The following TRAPPC9 variants were observed in gnomAD, a reference collection of about 807,000 sequenced individuals.
TRAPPC9 encodes the protein IKK2 binding protein.
Under a neutral mutation model 124.0 loss-of-function variants are expected in TRAPPC9, and 83 were observed. The observed-to-expected ratio is 0.67, with a 90% CI of 0.56 to 0.80. The LOEUF is 0.80. TRAPPC9 is among the 30% of genes least tolerant of loss of function. The probability of loss-of-function intolerance (pLI) is 0.00; values close to 1 mark genes in which losing one functional copy is unlikely to be tolerated. For missense variants in TRAPPC9, 1,302 were observed against 1,508.3 expected (o/e 0.86, Z 2.27); for synonymous variants, 638 against 617.5 (o/e 1.03, Z -0.49).
intron 21 of TRAPPC9, among the ~76,000 whole-genome samples, chr8:139,778,224 C>G (rs1301707908): frequency 6.6e-6 from 1 of 152,132 alleles, no homozygotes; most frequent in African/African-American, 2.4e-5. Context: ...TTAGCTCTTG[C>G]ATTAGTAGTG....
intron 16 of TRAPPC9, among the ~76,000 whole-genome samples, chr8:140,239,981 AG>A (rs981568339): frequency 7.9e-5 from 12 of 152,208 alleles, no homozygotes; most frequent in African/African-American, 2.9e-4. Context: ...GAGTACAATA[AG>A]GGGGGAAGGG....
chr8:140,116,278 C>T (rs2060886361), intron 17 of TRAPPC9, among the ~76,000 whole-genome samples: 1 of 152,290 alleles, frequency 6.6e-6, no homozygotes, highest in South Asian at 2.1e-4. Context: ...TGGCAGCTAT[C>T]TGGAAGCTGG....
In TRAPPC9 at chr8:140,241,867, G is replaced by A. The variant is rs2063863380; in HGVS notation, c.2431+10910C>T. ...CCCTCACTTGCTTAACGTATGCCAA[G>A]AAGCTGCTCTGACCAGGCCTCACTG... On this transcript the variant is annotated intron_variant, in intron 16 of 22. Coordinates refer to ENST00000438773, the MANE Select transcript of TRAPPC9 (RefSeq NM_001160372.4). The surrounding 1 kb of genome is among the most constrained non-coding windows in gnomAD (Gnocchi z 5.0). Among the ~76,000 whole-genome samples, 1 of 152,156 alleles carries A rather than the reference G, an allele frequency of 6.6e-6. No individual in the cohort carries two copies. The highest frequency in any genetic ancestry group is 2.4e-5 in the African/African-American group (1 of 41,434).
At chr8:140,372,953 G>C (rs983454355) in intron 7 of TRAPPC9, among the ~76,000 whole-genome samples, 1 of 152,120 alleles carries the variant, frequency 6.6e-6, no homozygotes, top group Non-Finnish European at 1.5e-5. Context: ...CTGTAAAATG[G>C]AGCCCAAATG....
In TRAPPC9 at chr8:140,457,674, C is replaced by A; in HGVS notation, c.-46G>T. Reference sequence around the variant, plus strand: ...GCCCCGGGCCCGGAGCGGGAGCCCACGACCTGGCGGGCAGCGGGGCCGAGC... The same window carrying A: ...GCCCCGGGCCCGGAGCGGGAGCCCAAGACCTGGCGGGCAGCGGGGCCGAGC... On this transcript the variant is annotated 5_prime_UTR_variant, in exon 1 of 23. Coordinates refer to ENST00000438773, the MANE Select transcript of TRAPPC9 (RefSeq NM_001160372.4). 1 of 986,692 alleles carries A rather than the reference C, an allele frequency of 1.0e-6. No individual in the cohort carries two copies. Among genetic ancestry groups the A allele is most frequent in the Non-Finnish European group, 1.2e-6 (1 of 830,786 alleles). 61.1% of individuals were successfully genotyped at this position (986,692 alleles called of 1,614,324 possible).
At chr8:140,121,666 G>C (rs924223886) in intron 17 of TRAPPC9, among the ~76,000 whole-genome samples, 1 of 152,188 alleles carries the variant, frequency 6.6e-6, no homozygotes, top group Non-Finnish European at 1.5e-5. Context: ...AGGCAAAATT[G>C]CATGTCTATC....
At chr8:140,181,954 T>C (rs1168462179) in intron 17 of TRAPPC9, among the ~76,000 whole-genome samples, 1 of 152,124 alleles carries the variant, frequency 6.6e-6, no homozygotes, top group Non-Finnish European at 1.5e-5. Flanking sequence ...CATCCTCAGG[T>C]GCTAGGCCAT....
intron 5 of TRAPPC9, among the ~76,000 whole-genome samples, chr8:140,418,913 T>C (rs1008124814): frequency 3.3e-5 from 5 of 152,208 alleles, no homozygotes; most frequent in South Asian, 2.1e-4. Context: ...TGAAAATTAG[T>C]AGAATAAAGG....
At chr8:140,109,399 G>C (rs1429612948) in intron 17 of TRAPPC9, among the ~76,000 whole-genome samples, 2 of 152,152 alleles carry the variant, frequency 1.3e-5, no homozygotes, top group Non-Finnish European at 2.9e-5. Flanking sequence ...CAAAATGGAT[G>C]ATTATCATCT....
intron 18 of TRAPPC9, among the ~76,000 whole-genome samples, chr8:139,991,784 A>G (rs1241303142): frequency 6.6e-6 from 1 of 152,128 alleles, no homozygotes; most frequent in East Asian, 1.9e-4. Context: ...TGAGTGTGGG[A>G]GACCAGGCTG....
intron 18 of TRAPPC9, among the ~76,000 whole-genome samples, chr8:140,002,583 T>C (rs925898188): frequency 1.3e-5 from 2 of 152,026 alleles, no homozygotes; most frequent in African/African-American, 2.4e-5. Flanking sequence ...AAAGATTTAC[T>C]GTAGGGTACA....
intron 15 of TRAPPC9, among the ~76,000 whole-genome samples, chr8:140,270,358 A>G (rs1394403869): frequency 6.6e-6 from 1 of 152,246 alleles, no homozygotes; most frequent in Non-Finnish European, 1.5e-5. Context: ...CCACTCAGCC[A>G]ACAGGAGAGA....
intron 21 of TRAPPC9, among the ~76,000 whole-genome samples, chr8:139,858,838 C>G (rs532774308): frequency 6.6e-6 from 1 of 151,680 alleles, no homozygotes; most frequent in Non-Finnish European, 1.5e-5. Context: ...GGGGCACAGT[C>G]TGCACACCCT....
At chr8:140,202,183 A>G (rs1342182417) in intron 17 of TRAPPC9, among the ~76,000 whole-genome samples, 1 of 151,966 alleles carries the variant, frequency 6.6e-6, no homozygotes, top group South Asian at 2.1e-4. Flanking sequence ...AAAAAAAGCA[A>G]TGAGGCTTTC....
At chr8:140,041,961 AT>A (rs1841301732) in intron 17 of TRAPPC9, among the ~76,000 whole-genome samples, 1 of 150,394 alleles carries the variant, frequency 6.6e-6, no homozygotes, top group African/African-American at 2.5e-5. Context: ...ACAGAGCAAG[AT>A]TGTCTCAAAA....
At chr8:140,290,158 C>A (rs1165715555) in intron 12 of TRAPPC9, among the ~76,000 whole-genome samples, 1 of 152,246 alleles carries the variant, frequency 6.6e-6, no homozygotes, top group Non-Finnish European at 1.5e-5. Context: ...CTGACCATCT[C>A]TGTCCCCTCA....
intron 20 of TRAPPC9, among the ~76,000 whole-genome samples, chr8:139,894,896 A>G (rs980908692): frequency 1.8e-4 from 27 of 152,304 alleles, no homozygotes; most frequent in Admixed American, 3.3e-4. Context: ...GAGTCGTCCA[A>G]CTGGGTCCCA....
intron 17 of TRAPPC9, among the ~76,000 whole-genome samples, chr8:140,052,920 C>G (rs767565815): frequency 6.6e-6 from 1 of 152,134 alleles, no homozygotes; most frequent in Non-Finnish European, 1.5e-5. Context: ...GCACTCCAGC[C>G]TGAGTGACAA....
intron 15 of TRAPPC9, among the ~76,000 whole-genome samples, chr8:140,267,638 A>G (rs1588049265): frequency 6.6e-6 from 1 of 151,518 alleles, no homozygotes; most frequent in Non-Finnish European, 1.5e-5. Flanking sequence ...CGCTAAGAGT[A>G]AAAGCTATTC....
Sources: allele counts gnomAD v4.1 joint callset (sites outside exome capture counted in the v4.1 genomes callset), GRCh38; gene constraint gnomAD v4.1.1; non-coding constraint Gnocchi (gnomAD v3.1); transcripts MANE v1.5; gene names NCBI Gene and HGNC (gene_info 2026-07-23, HGNC 2026-07-21).